Variants in ADGRF5 observed in about 807,000 individuals in gnomAD.
ADGRF5 encodes the protein adhesion G protein-coupled receptor F5, also known as G-protein coupled receptor 116.
ADGRF5 carries 75 observed loss-of-function variants against 132.3 expected under a neutral mutation model. The ratio of observed to expected loss-of-function variants is 0.57; its 90% CI spans 0.47 to 0.69. The LOEUF (loss-of-function observed/expected upper bound fraction) is 0.69, where lower values mean the gene tolerates loss of function less well. ADGRF5 is among the 30% of genes least tolerant of loss of function. ADGRF5 has a pLI of 0.00. For synonymous variants in ADGRF5, 629 were observed against 597.6 expected (o/e 1.05, Z -0.77); for missense variants, 1,516 against 1,630.6 (o/e 0.93, Z 1.21).
intron 1 of ADGRF5, among the ~76,000 whole-genome samples, chr6:46,913,328 G>C (rs2150910918): frequency 6.6e-6 from 1 of 152,204 alleles, no homozygotes; most frequent in South Asian, 2.1e-4. Flanking sequence ...GTGAAACCCT[G>C]TCTCTACTAA....
upstream of ADGRF5, among the ~76,000 whole-genome samples, chr6:46,922,642 G>A (rs1208506075): frequency 2.0e-5 from 3 of 152,144 alleles, no homozygotes; most frequent in African/African-American, 4.8e-5. Context: ...AGGAAACTGA[G>A]GCCCAAGGAG....
chr6:46,884,069 C>G (rs368571767), intron 5 of ADGRF5, 26 bp downstream of exon 5: 3 of 1,593,484 alleles, frequency 1.9e-6, no homozygotes, highest in Middle Eastern at 1.7e-4. Context: ...AGCCACTCAA[C>G]GAGCATTTAA....
At chr6:46,948,027 C>T (rs1314314236) in intron 1 of ADGRF5, among the ~76,000 whole-genome samples, 2 of 152,144 alleles carry the variant, frequency 1.3e-5, no homozygotes, top group East Asian at 3.9e-4. Flanking sequence ...TGAGACCCAC[C>T]TCTTCATCTT....
intron 10 of ADGRF5, among the ~76,000 whole-genome samples, chr6:46,876,924 A>G (rs1343626044): frequency 6.6e-6 from 1 of 152,222 alleles, no homozygotes; most frequent in Non-Finnish European, 1.5e-5. Context: ...TTTAAAAATA[A>G]TTTAATCAAT....
At chr6:46,942,638 A>T (rs1582078502) in intron 1 of ADGRF5, among the ~76,000 whole-genome samples, 1 of 152,222 alleles carries the variant, frequency 6.6e-6, no homozygotes, top group Admixed American at 6.5e-5. Flanking sequence ...TGGACCAGAA[A>T]ATCCTAAGAC....
Position 46,878,409 on chromosome 6 carries a change from C to T in ADGRF5, c.1037-4G>A. On this transcript the variant is annotated splice_region_variant and splice_polypyrimidine_tract_variant and intron_variant, in intron 9 of 20. Coordinates refer to ENST00000283296, the MANE Select transcript of ADGRF5 (RefSeq NM_001098518.2). ...ATCAGTTTGCAAACATATTCACCTG[C>T]ATAAAATACACAAAATCATGTATTA... The T allele has an allele frequency of 6.5e-7, 1 of 1,530,452 alleles. No individual in the cohort carries two copies. The highest frequency in any genetic ancestry group is 9.0e-7 in the Non-Finnish European group (1 of 1,105,594). The allele number at this position is 1,530,452 out of a possible 1,614,324, so 94.8% of individuals were successfully genotyped here. A position where few individuals can be genotyped will look rare whatever the true frequency, so the allele number is the denominator to read the frequency against.
At chr6:46,883,109 A>G (rs1432082084) in intron 6 of ADGRF5, among the ~76,000 whole-genome samples, 1 of 152,202 alleles carries the variant, frequency 6.6e-6, no homozygotes, top group East Asian at 1.9e-4. Context: ...TATGTGAATC[A>G]ATTTATATCT....
chr6:46,915,319 A>G (rs1776334822), intron 1 of ADGRF5, among the ~76,000 whole-genome samples: 1 of 131,666 alleles, frequency 7.6e-6, no homozygotes, highest in African/African-American at 3.2e-5. Context: ...ATAATAATGG[A>G]CCAATCAGAA....
intron 1 of ADGRF5, among the ~76,000 whole-genome samples, chr6:46,951,889 A>C (rs1236949020): frequency 6.6e-6 from 1 of 152,218 alleles, no homozygotes; most frequent in African/African-American, 2.4e-5. Flanking sequence ...CATAGTAATA[A>C]AATGGCTCTC....
chr6:46,873,061 G>A (rs1268052195), intron 10 of ADGRF5, among the ~76,000 whole-genome samples: 2 of 151,930 alleles, frequency 1.3e-5, no homozygotes, highest in Non-Finnish European at 2.9e-5. Context: ...CCATCTCTAA[G>A]GCTCACCCCG....
chr6:46,953,768 G>T (rs1778617603), intron 1 of ADGRF5, among the ~76,000 whole-genome samples: 1 of 148,472 alleles, frequency 6.7e-6, no homozygotes, highest in Non-Finnish European at 1.5e-5. Context: ...AATGGAGGGA[G>T]ACTGTATTGA....
In ADGRF5 at chr6:46,884,219, C is replaced by A. The variant is rs756445891; in HGVS notation, c.381G>T (p.Gly127=). Residue 127 remains glycine (G), a synonymous_variant, in exon 5 of 21, where the codon GGG becomes GGT. Coordinates refer to ENST00000283296, the MANE Select transcript of ADGRF5 (RefSeq NM_001098518.2). ...TGTGAAGACACCTTTCCCGAGGCCACCCATAACCTGTCTCGCAGGAGCACC... is the reference window on the plus strand; with the variant it reads ...TGTGAAGACACCTTTCCCGAGGCCAACCATAACCTGTCTCGCAGGAGCACC... ...EIWCSCETGY[G]WPRERCLHNL... is the part of the protein sequence containing the mutation. The A allele has an allele frequency of 6.2e-7, 1 of 1,614,020 alleles. No individual in the cohort carries two copies. The highest frequency in any genetic ancestry group is 8.5e-7 in the Non-Finnish European group (1 of 1,179,878).
At chr6:46,913,809 T>C (rs116791395) in intron 1 of ADGRF5, among the ~76,000 whole-genome samples, 153 of 152,324 alleles carry the variant, frequency 1.0e-3, no homozygotes, top group African/African-American at 3.5e-3. Context: ...GGTGATGTTA[T>C]ACGCATAGCT....
chr6:46,950,669 C>T (rs991455206), intron 1 of ADGRF5, among the ~76,000 whole-genome samples: 3 of 152,166 alleles, frequency 2.0e-5, no homozygotes, highest in African/African-American at 7.2e-5. Context: ...CAAGCACCAC[C>T]ACATCCAGCT....
intron 10 of ADGRF5, among the ~76,000 whole-genome samples, chr6:46,877,357 CTTTCTTTCTTTCTTTCTTTCT>C (rs773781662): frequency 0.012 from 583 of 48,858 alleles, 16 homozygotes; most frequent in Middle Eastern, 0.024. Flanking sequence ...TTCTTTCTTT[CTTTCTTTCTTTCTTTCTTTCT>C]TTCTTTCTTC....
At chr6:46,872,709 A>C (rs220677) in intron 10 of ADGRF5, among the ~76,000 whole-genome samples, 136,041 of 152,060 alleles carry the variant, frequency 0.89, 61,129 homozygotes, top group African/African-American at 0.96. Flanking sequence ...CATCTTTCCT[A>C]TTGCCTCGGG....
rs776582089 is a variant in ADGRF5, at chr6:46,858,439, A to G, written c.3464T>C (p.Val1155Ala). The part of the protein sequence containing the change: ...ITLGATQPRE[V>A]YTRKNVCWLN... The stretch of plus-strand genomic sequence containing the variant: ...CCAACAGACATTCTTCCTCGTATAG[A>G]CTTCCCGGGGCTGGGTGGCTCCCAG... The change falls in exon 17 of 21, where the codon GTC becomes GCC. Residue 1155 changes from valine (V) to alanine (A), a missense_variant. Physicochemically the swap from Val to Ala is moderately conservative, Grantham distance 64. This residue lies in a region of ADGRF5 where 571 missense variants were observed against 701.2 expected (regional missense o/e 0.81). Coordinates refer to ENST00000283296, the MANE Select transcript of ADGRF5 (RefSeq NM_001098518.2). The G allele has an allele frequency of 1.9e-5, 30 of 1,613,774 alleles. No homozygotes were observed. The Admixed American group carries it at 4.7e-4, about 25-fold the overall frequency.
chr6:46,885,958 T>A (rs1267499385), intron 4 of ADGRF5, among the ~76,000 whole-genome samples: 1 of 152,242 alleles, frequency 6.6e-6, no homozygotes, highest in African/African-American at 2.4e-5. Flanking sequence ...GGTTTTAGAC[T>A]CTGTTGTGCA....
chr6:46,928,340 T>A (rs558091476), intron 1 of ADGRF5, among the ~76,000 whole-genome samples: 1 of 152,142 alleles, frequency 6.6e-6, no homozygotes, highest in Admixed American at 6.5e-5. Context: ...AGCCCCTTTT[T>A]TGAATTTCAC....
Sources: gnomAD v4.1 joint callset for allele counts (sites outside exome capture counted in the v4.1 genomes callset) on GRCh38, gnomAD v4.1.1 for gene constraint, gnomAD v4.1.1 regional missense constraint, MANE v1.5 for transcripts, NCBI Gene and HGNC (gene_info 2026-07-23, HGNC 2026-07-21) for gene names.